PRKAR1B: variants seen among roughly 807,000 people sequenced by gnomAD.
PRKAR1B encodes cAMP-dependent protein kinase type I-beta regulatory subunit.
PRKAR1B carries 22 observed loss-of-function variants against 46.5 expected under a neutral mutation model. That is an observed-to-expected ratio of 0.47 (90% CI 0.34 to 0.68). The LOEUF is 0.68. Ranked by LOEUF, PRKAR1B falls within the 30% of genes least tolerant of loss-of-function variation. The pLI is 0.01. For synonymous variants in PRKAR1B, 259 were observed against 217.7 expected, an observed-to-expected ratio of 1.19 and a Z score of -1.67; for missense variants, 445 against 535.6, an observed-to-expected ratio of 0.83 and a Z score of 1.67.
intron 7 of PRKAR1B, among the ~76,000 whole-genome samples, chr7:590,777 C>A (rs1424964098): frequency 6.6e-6 from 1 of 152,152 alleles, no homozygotes; most frequent in Non-Finnish European, 1.5e-5. Context: ...AGGAACTTGG[C>A]CCAAGACCAA....
chr7:698,985 G>A (rs1018997434), intron 2 of PRKAR1B, among the ~76,000 whole-genome samples: 1 of 152,224 alleles, frequency 6.6e-6, no homozygotes, highest in Non-Finnish European at 1.5e-5. Flanking sequence ...CACACACAGG[G>A]GCACCAGCCT....
At chr7:711,765 A>C (rs1413250559) in intron 1 of PRKAR1B, among the ~76,000 whole-genome samples, 2 of 150,588 alleles carry the variant, frequency 1.3e-5, no homozygotes, top group Non-Finnish European at 3.0e-5. Flanking sequence ...GCAGGGGGGG[A>C]GGGGGCTCAG....
At chr7:607,544 CT>C in intron 4 of PRKAR1B, 92 bp from the exon 5 acceptor site, 1 of 1,105,728 alleles carries the variant, frequency 9.0e-7, no homozygotes, top group Non-Finnish European at 1.4e-6. Flanking sequence ...GTGTAAATCG[CT>C]TCACAGTCAT....
chr7:710,431 C>T (rs925452586), intron 2 of PRKAR1B, among the ~76,000 whole-genome samples: 2 of 152,132 alleles, frequency 1.3e-5, no homozygotes, highest in African/African-American at 4.8e-5. Flanking sequence ...CTCCACTTCC[C>T]AGGCACGCAC....
chr7:644,057 C>T lies in PRKAR1B; in HGVS notation c.440+33172G>A, dbSNP rs1048962092. On this transcript the variant is annotated intron_variant, in intron 4 of 10. Coordinates refer to ENST00000537384, the MANE Select transcript of PRKAR1B (RefSeq NM_001164760.2). This position sits in a 1 kb window ranked among gnomAD's most constrained non-coding sequence, Gnocchi z 4.9. Reference sequence around the variant, plus strand: ...CTGCCCAGTGCTACGAAGCTAGGGGCGGCTGCTACACGGCCCACTACACTA... The same window carrying T: ...CTGCCCAGTGCTACGAAGCTAGGGGTGGCTGCTACACGGCCCACTACACTA... Among the ~76,000 whole-genome samples, 13 of 152,088 alleles carry T rather than the reference C, an allele frequency of 8.5e-5. No homozygotes were observed. Among genetic ancestry groups the T allele is most frequent in the Non-Finnish European group, 1.5e-4 (10 of 68,024 alleles).
At chr7:606,699 C>T (rs1000900220) in intron 5 of PRKAR1B, among the ~76,000 whole-genome samples, 2 of 152,052 alleles carry the variant, frequency 1.3e-5, no homozygotes, top group Non-Finnish European at 2.9e-5. Context: ...CCACCCGCCT[C>T]GGCCTCCCAA....
At chr7:578,078 A>C (rs1301574253) in intron 9 of PRKAR1B, among the ~76,000 whole-genome samples, 2 of 152,192 alleles carry the variant, frequency 1.3e-5, no homozygotes, top group African/African-American at 4.8e-5. Context: ...TAAACTGACA[A>C]TGGTGCACGG....
At chr7:651,627 A>C (rs1784908022) in intron 4 of PRKAR1B, among the ~76,000 whole-genome samples, 1 of 151,952 alleles carries the variant, frequency 6.6e-6, no homozygotes, top group Non-Finnish European at 1.5e-5. Context: ...AAGACAGTTC[A>C]CACCCACACA....
intron 4 of PRKAR1B, among the ~76,000 whole-genome samples, chr7:613,156 T>C (rs1010769229): frequency 6.6e-6 from 1 of 151,650 alleles, no homozygotes; most frequent in Non-Finnish European, 1.5e-5. Context: ...ACCTAGAGGC[T>C]ATGCACCGTA....
At chr7:686,276 G>A (rs1244017512) in intron 2 of PRKAR1B, among the ~76,000 whole-genome samples, 2 of 151,850 alleles carry the variant, frequency 1.3e-5, no homozygotes, top group Admixed American at 1.3e-4. Context: ...ACTCCAGCCT[G>A]GGCGACAGAG....
At chr7:640,372 G>A (rs187506033) in intron 4 of PRKAR1B, among the ~76,000 whole-genome samples, 22 of 151,900 alleles carry the variant, frequency 1.4e-4, no homozygotes, top group African/African-American at 5.3e-4. Context: ...ATAGACATAC[G>A]ATTCGGACAG....
At chr7:696,429 A>T (rs1192362586) in intron 2 of PRKAR1B, among the ~76,000 whole-genome samples, 1 of 151,806 alleles carries the variant, frequency 6.6e-6, no homozygotes, top group African/African-American at 2.4e-5. Context: ...CAGCCACCAC[A>T]CCTGGCTAAT....
chr7:696,520 T>C (rs1779748588), intron 2 of PRKAR1B, among the ~76,000 whole-genome samples: 1 of 152,072 alleles, frequency 6.6e-6, no homozygotes, highest in Admixed American at 6.5e-5. Context: ...GTGACCCACC[T>C]GCCTCCATCT....
chr7:584,317 G>A (rs1780477259), intron 8 of PRKAR1B, among the ~76,000 whole-genome samples, 191 bp downstream of exon 8: 1 of 152,238 alleles, frequency 6.6e-6, no homozygotes, highest in Non-Finnish European at 1.5e-5. Flanking sequence ...CTTGGGGTTT[G>A]CCAACAAGTG....
chr7:564,784 A>G (rs922647899), intron 9 of PRKAR1B, among the ~76,000 whole-genome samples: 1 of 152,172 alleles, frequency 6.6e-6, no homozygotes. Flanking sequence ...CTGGCCCCCA[A>G]AAGCACTTCC....
intron 10 of PRKAR1B, among the ~76,000 whole-genome samples, 168 bp downstream of exon 10, chr7:551,221 T>TG: frequency 6.6e-6 from 1 of 152,200 alleles, no homozygotes; most frequent in South Asian, 2.1e-4. Context: ...GACTTCAATT[T>TG]GGGGGAACAG....
At chr7:726,075 ATGCAGCCAGTTTCTG>A (rs2128537401) in intron 1 of PRKAR1B, among the ~76,000 whole-genome samples, 1 of 672 alleles carries the variant, frequency 1.5e-3, no homozygotes, top group African/African-American at 0.015. Context: ...CAGTTTCTGC[ATGCAGCCAGTTTCTG>A]CATGCAGCCA....
At chr7:604,565 G>C (rs762657472) in intron 6 of PRKAR1B, among the ~76,000 whole-genome samples, 1 of 152,236 alleles carries the variant, frequency 6.6e-6, no homozygotes, top group Non-Finnish European at 1.5e-5. Context: ...GGCCAGGCCC[G>C]AGGCACGTGC....
At chr7:568,557 G>T (rs1196596597) in intron 9 of PRKAR1B, among the ~76,000 whole-genome samples, 2 of 152,252 alleles carry the variant, frequency 1.3e-5, no homozygotes, top group Non-Finnish European at 2.9e-5. Context: ...AACATCATCA[G>T]AAGGTCTGGG....
Sources: gnomAD v4.1 joint callset for allele counts (sites outside exome capture counted in the v4.1 genomes callset) on GRCh38, gnomAD v4.1.1 for gene constraint, Gnocchi (gnomAD v3.1) non-coding constraint, MANE v1.5 for transcripts, NCBI Gene and HGNC (gene_info 2026-07-23, HGNC 2026-07-21) for gene names.